The following PARD3 variants were observed in gnomAD, a reference collection of about 807,000 sequenced individuals.
PARD3 encodes partitioning defective 3 homolog.
PARD3 carries 75 observed loss-of-function variants against 155.4 expected under a neutral mutation model. That is an observed-to-expected ratio of 0.48 (90% CI 0.40 to 0.58). The LOEUF (loss-of-function observed/expected upper bound fraction) is 0.58, where lower values mean the gene tolerates loss of function less well. Among genes scored for constraint, PARD3 ranks in the 20% least tolerant of loss-of-function variants. The pLI is 0.00. For missense variants in PARD3, 1,642 were observed against 1,721.7 expected, an observed-to-expected ratio of 0.95 and a Z score of 0.82; for synonymous variants, 576 against 610.5, an observed-to-expected ratio of 0.94 and a Z score of 0.83.
chr10:34,812,888 C>A (rs1233813995), intron 1 of PARD3, among the ~76,000 whole-genome samples: 1 of 152,198 alleles, frequency 6.6e-6, no homozygotes, highest in East Asian at 1.9e-4. Flanking sequence ...TGTGAAACAA[C>A]CACTGCTAAT....
At chr10:34,379,529 T>C (rs1044803631) in intron 9 of PARD3, among the ~76,000 whole-genome samples, 1 of 152,144 alleles carries the variant, frequency 6.6e-6, no homozygotes, top group African/African-American at 2.4e-5. Flanking sequence ...ATAACATTTA[T>C]TAAGAAAGAA....
At chr10:34,685,917 G>A (rs925044661) in intron 2 of PARD3, among the ~76,000 whole-genome samples, 4 of 151,952 alleles carry the variant, frequency 2.6e-5, no homozygotes, top group Admixed American at 6.6e-5. Flanking sequence ...TTTAAAATTC[G>A]AGGTAGTAAT....
At position 34,348,138 on chromosome 10, in the gene PARD3, G is replaced by A. The variant is rs575923058; in HGVS notation, c.2068-23C>T. The A allele has an allele frequency of 5.7e-5, 89 of 1,573,242 alleles. 1 individual carries two copies. In the South Asian group the frequency reaches 1.0e-3, roughly 18 times the overall value. On this transcript the variant is annotated intron_variant, in intron 14 of 24. Coordinates refer to ENST00000374788, the MANE Select transcript of PARD3 (RefSeq NM_001184785.2). ...CAGCTACAGAGTAACGGGTATGGGG[G>A]CAAAGAAAAATCAGTACCTGGAGGC...
intron 2 of PARD3, among the ~76,000 whole-genome samples, chr10:34,517,403 G>A (rs1031726779): frequency 6.6e-6 from 1 of 152,022 alleles, no homozygotes; most frequent in African/African-American, 2.4e-5. Flanking sequence ...TAATAAAATT[G>A]TTTGCTATCA....
rs767244560 is a variant in PARD3 at position 34,360,106 on chromosome 10, C to A, written c.1861G>T (p.Val621Phe). 6.2e-7 allele frequency: 1 copy of A among 1,613,972 alleles called. No individual in the cohort carries two copies. ...KENHADLGIFVKSIINGGAAS... is the reference protein window; with the variant it reads ...KENHADLGIFFKSIINGGAAS... ...GCTCCTCCATTAATAATGGACTTGACAAAGATTCCCAAATCTGCGTGGTTC... is the reference window on the plus strand; with the variant it reads ...GCTCCTCCATTAATAATGGACTTGAAAAAGATTCCCAAATCTGCGTGGTTC... Residue 621 changes from valine (V) to phenylalanine (F), a missense_variant, in exon 13 of 25, where the codon GTC becomes TTC. By Grantham distance (50) the Val-to-Phe change is conservative (BLOSUM62 -1). Around this residue, in one of 3 missense-constraint regions of PARD3, gnomAD observed 1,529 missense variants for 1,587.3 expected, o/e 0.96. Transcript: ENST00000374788.
At chr10:34,404,855 C>G (rs988676584) in intron 5 of PARD3, among the ~76,000 whole-genome samples, 1 of 151,980 alleles carries the variant, frequency 6.6e-6, no homozygotes, top group Non-Finnish European at 1.5e-5. Context: ...AAGGCTGAGG[C>G]AGAGAATGGC....
At chr10:34,342,431 G>C (rs1836925514) in intron 15 of PARD3, among the ~76,000 whole-genome samples, 1 of 152,144 alleles carries the variant, frequency 6.6e-6, no homozygotes, top group Non-Finnish European at 1.5e-5. Flanking sequence ...GTTTTAAATG[G>C]TCAATATGAT....
chr10:34,703,951 G>C (rs1354090640), intron 1 of PARD3, among the ~76,000 whole-genome samples: 2 of 152,114 alleles, frequency 1.3e-5, no homozygotes, highest in African/African-American at 4.8e-5. Context: ...TTACCCCTTT[G>C]TAAGTGGAAG....
At chr10:34,707,334 T>C (rs1273264234) in intron 1 of PARD3, among the ~76,000 whole-genome samples, 1 of 152,174 alleles carries the variant, frequency 6.6e-6, no homozygotes, top group Non-Finnish European at 1.5e-5. Flanking sequence ...TTACATGTTC[T>C]AATCACATCA....
At chr10:34,422,691 A>T (rs1319285787) in intron 5 of PARD3, among the ~76,000 whole-genome samples, 3 of 152,198 alleles carry the variant, frequency 2.0e-5, no homozygotes, top group Non-Finnish European at 2.9e-5. Context: ...AATGCTTAAG[A>T]TTACTAATCA....
intron 1 of PARD3, among the ~76,000 whole-genome samples, chr10:34,702,489 T>G (rs1488395081): frequency 6.6e-6 from 1 of 152,160 alleles, no homozygotes; most frequent in Non-Finnish European, 1.5e-5. Context: ...TGACTGCCCC[T>G]CCCAGCCCCT....
intron 22 of PARD3, among the ~76,000 whole-genome samples, chr10:34,216,679 G>C (rs903409334): frequency 6.6e-6 from 1 of 152,228 alleles, no homozygotes; most frequent in African/African-American, 2.4e-5. Flanking sequence ...TTAGTCTTAA[G>C]AAGTTTAAGT....
intron 3 of PARD3, among the ~76,000 whole-genome samples, chr10:34,489,887 C>T (rs996282465): frequency 5.3e-5 from 8 of 152,112 alleles, no homozygotes; most frequent in African/African-American, 1.9e-4. Flanking sequence ...ATAGGTATTC[C>T]TATTTTACAG....
At chr10:34,370,429 G>A (rs965071208) in intron 12 of PARD3, among the ~76,000 whole-genome samples, 1 of 151,986 alleles carries the variant, frequency 6.6e-6, no homozygotes, top group African/African-American at 2.4e-5. Context: ...CTGACTACAT[G>A]TTTTTTATTG....
At chr10:34,468,283 T>A (rs958015511) in intron 4 of PARD3, among the ~76,000 whole-genome samples, 10 of 152,216 alleles carry the variant, frequency 6.6e-5, no homozygotes, top group Non-Finnish European at 1.2e-4. Flanking sequence ...AAGTGATAAA[T>A]TCCTTTTGTT....
chr10:34,434,010 G>A (rs1032716893), intron 5 of PARD3, among the ~76,000 whole-genome samples: 2 of 152,188 alleles, frequency 1.3e-5, no homozygotes, highest in Non-Finnish European at 2.9e-5. Context: ...GCAAGGATGG[G>A]AAAGAATAAG....
chr10:34,161,029 C>T (rs1008134153), intron 22 of PARD3, among the ~76,000 whole-genome samples: 2 of 151,930 alleles, frequency 1.3e-5, no homozygotes, highest in African/African-American at 4.8e-5. Context: ...ACTGCTTGAG[C>T]CCAGAAGTTT....
chr10:34,127,439 C>T (rs1252485634), intron 23 of PARD3, among the ~76,000 whole-genome samples: 1 of 152,202 alleles, frequency 6.6e-6, no homozygotes, highest in African/African-American at 2.4e-5. Flanking sequence ...ATGCACACCC[C>T]TAGCCTACCT....
intron 2 of PARD3, among the ~76,000 whole-genome samples, chr10:34,695,440 T>C (rs1014903585): frequency 4.2e-5 from 6 of 142,862 alleles, no homozygotes; most frequent in Admixed American, 3.7e-4. Context: ...ATCACGCCAC[T>C]GCATTCCAGT....
Sources: gnomAD v4.1 joint callset for allele counts (sites outside exome capture counted in the v4.1 genomes callset) on GRCh38, gnomAD v4.1.1 for gene constraint, gnomAD v4.1.1 regional missense constraint, MANE v1.5 for transcripts, NCBI Gene and HGNC (gene_info 2026-07-23, HGNC 2026-07-21) for gene names.